Variants in PLD5 observed in about 807,000 individuals in gnomAD.
PLD5 encodes the protein inactive phospholipase D5.
PLD5 carries 36 observed loss-of-function variants against 61.1 expected under a neutral mutation model. That is an observed-to-expected ratio of 0.59 (90% confidence interval 0.45 to 0.78). The LOEUF (loss-of-function observed/expected upper bound fraction) is 0.78. Ranked by LOEUF, PLD5 falls within the 30% of genes least tolerant of loss-of-function variation. The probability of loss-of-function intolerance (pLI) is 0.00; values close to 1 mark genes in which losing one functional copy is unlikely to be tolerated. For synonymous variants in PLD5, 243 were observed against 242.8 expected, an observed-to-expected ratio of 1.00 and a Z score of -0.01; for missense variants, 515 against 644.4, an observed-to-expected ratio of 0.80 and a Z score of 2.17.
intron 1 of PLD5, among the ~76,000 whole-genome samples, chr1:242,496,629 CA>C (rs1668378419): frequency 2.0e-5 from 3 of 152,278 alleles, no homozygotes; most frequent in Admixed American, 1.3e-4. Context: ...AATTCTCTTT[CA>C]TTTTTTTTCA....
At chr1:242,349,918 G>A (rs1660378261) in intron 1 of PLD5, among the ~76,000 whole-genome samples, 1 of 152,162 alleles carries the variant, frequency 6.6e-6, no homozygotes, top group Non-Finnish European at 1.5e-5. Flanking sequence ...TGCACCTATA[G>A]TCCCAGCTAG....
In PLD5 at chr1:242,296,370, CTTTAG is replaced by C. The variant is rs201743976; in HGVS notation, c.327-7845_327-7841del. Among the ~76,000 whole-genome samples the C allele has an allele frequency of 2.8e-3, 425 of 152,282 alleles. 4 individuals carry two copies. The East Asian group carries it at 0.028, about 10-fold the overall frequency. ...TTGTTTCTTTTGCTGGACAAAAGCT[CTTTAG>C]TTTAATTAATTGCCATTAGTCTATT... On this transcript the variant is annotated intron_variant, in intron 2 of 9. Coordinates refer to ENST00000536534, the MANE Select transcript of PLD5 (RefSeq NM_001372062.1).
At chr1:242,504,875 G>T (rs118020467) in intron 1 of PLD5, among the ~76,000 whole-genome samples, 1 of 152,102 alleles carries the variant, frequency 6.6e-6, no homozygotes, top group African/African-American at 2.4e-5. Context: ...AAAACTGGGG[G>T]CTGAGTGCAG....
At chr1:242,459,302 C>T (rs1258013344) in intron 1 of PLD5, among the ~76,000 whole-genome samples, 1 of 152,152 alleles carries the variant, frequency 6.6e-6, no homozygotes, top group Non-Finnish European at 1.5e-5. Flanking sequence ...GCTAAAAGAA[C>T]AGATTTTTGA....
intron 1 of PLD5, among the ~76,000 whole-genome samples, chr1:242,417,447 G>T (rs1400949114): frequency 1.3e-5 from 2 of 151,008 alleles, no homozygotes; most frequent in East Asian, 3.9e-4. Context: ...CCTTGTTCTA[G>T]AAATTTCTGC....
chr1:242,473,669 C>A (rs1395485414), intron 1 of PLD5, among the ~76,000 whole-genome samples: 1 of 152,042 alleles, frequency 6.6e-6, no homozygotes, highest in Non-Finnish European at 1.5e-5. Context: ...TTACTAAAAG[C>A]CATAGATTAG....
chr1:242,337,391 G>A lies in PLD5; in HGVS notation c.326+10715C>T, dbSNP rs191735644. On this transcript the variant is annotated intron_variant, in intron 2 of 9. Transcript: ENST00000536534. Reference sequence around the variant, plus strand: ...CACACCTGTAATCCCAGCACTTTGGGAGGTCAAGGCGGATGGATCATCTGA... The same window carrying A: ...CACACCTGTAATCCCAGCACTTTGGAAGGTCAAGGCGGATGGATCATCTGA... Among the ~76,000 whole-genome samples the A allele has an allele frequency of 2.3e-3, 351 of 152,228 alleles. 1 individual carries two copies. Among genetic ancestry groups the A allele is most frequent in the Non-Finnish European group, 4.2e-3 (286 of 68,014 alleles).
chr1:242,257,927 T>C (rs576287698), intron 4 of PLD5, among the ~76,000 whole-genome samples: 2 of 152,332 alleles, frequency 1.3e-5, no homozygotes, highest in South Asian at 4.1e-4. Flanking sequence ...TACCACTGCG[T>C]GTTTGCTATC....
At chr1:242,283,035 A>C (rs1278041030) in intron 3 of PLD5, among the ~76,000 whole-genome samples, 2 of 152,228 alleles carry the variant, frequency 1.3e-5, no homozygotes, top group Non-Finnish European at 2.9e-5. Context: ...AAGAAAAACA[A>C]AGTGGGTTTT....
intron 5 of PLD5, among the ~76,000 whole-genome samples, chr1:242,160,050 C>T (rs537254130): frequency 6.6e-6 from 1 of 151,128 alleles, no homozygotes; most frequent in Non-Finnish European, 1.5e-5. Context: ...CTTGCTTTGT[C>T]ACCCAGGCTG....
At chr1:242,348,836 T>C (rs576224142) in intron 1 of PLD5, among the ~76,000 whole-genome samples, 92 of 152,202 alleles carry the variant, frequency 6.0e-4, no homozygotes, top group South Asian at 1.9e-3. Flanking sequence ...GGGCAGATCA[T>C]GAGGTCAGGA....
chr1:242,115,664 A>AAAAAAAAAAAATCG (rs770237708), intron 6 of PLD5, among the ~76,000 whole-genome samples: 2,699 of 151,344 alleles, frequency 0.018, 84 homozygotes, highest in African/African-American at 0.06. Flanking sequence ...TCTAAAAAAA[A>AAAAAAAAAAAATCG]AAAAATCTTG....
intron 6 of PLD5, among the ~76,000 whole-genome samples, chr1:242,114,468 T>C (rs377268440): frequency 2.9e-4 from 44 of 152,340 alleles, no homozygotes; most frequent in African/African-American, 1.0e-3. Flanking sequence ...TAATATATTA[T>C]TGTTAAGTAT....
intron 1 of PLD5, among the ~76,000 whole-genome samples, chr1:242,422,697 C>G (rs369423183): frequency 6.6e-6 from 1 of 152,144 alleles, no homozygotes. Context: ...GTCTTTGGGG[C>G]GCAATGTTAG....
At chr1:242,270,454 T>C (rs993799766) in intron 3 of PLD5, among the ~76,000 whole-genome samples, 2 of 152,188 alleles carry the variant, frequency 1.3e-5, no homozygotes, top group African/African-American at 2.4e-5. Context: ...GCCTAGAACA[T>C]ACATCTCTCT....
At chr1:242,309,129 A>C (rs563812077) in intron 2 of PLD5, among the ~76,000 whole-genome samples, 1 of 152,238 alleles carries the variant, frequency 6.6e-6, no homozygotes, top group Admixed American at 6.5e-5. Context: ...GAAAGAATAC[A>C]TTCAGGAAGA....
intron 3 of PLD5, among the ~76,000 whole-genome samples, chr1:242,285,711 AGCTG>A (rs1462656612): frequency 1.3e-5 from 2 of 151,714 alleles, no homozygotes; most frequent in Admixed American, 6.6e-5. Context: ...GAACTTGTGA[AGCTG>A]GCTGAAATTC....
chr1:242,210,297 G>A (rs945093579), intron 5 of PLD5: 3 of 152,314 alleles, frequency 2.0e-5, no homozygotes, highest in Non-Finnish European at 4.4e-5. Flanking sequence ...AAGTTTGAGC[G>A]GTCTAGATAG....
chr1:242,412,142 T>G (rs1664591102), intron 1 of PLD5, among the ~76,000 whole-genome samples: 1 of 152,162 alleles, frequency 6.6e-6, no homozygotes, highest in Non-Finnish European at 1.5e-5. Flanking sequence ...GAAGATAAGC[T>G]AGTAATGCTC....
Sources: allele counts gnomAD v4.1 joint callset (sites outside exome capture counted in the v4.1 genomes callset), GRCh38; gene constraint gnomAD v4.1.1; transcripts MANE v1.5; gene names NCBI Gene and HGNC (gene_info 2026-07-23, HGNC 2026-07-21).